The following HECW1 variants were observed in gnomAD, a reference collection of about 807,000 sequenced individuals.
HECW1 encodes the protein HECT, C2 and WW domain containing E3 ubiquitin protein ligase 1.
In HECW1, 61 loss-of-function variants were observed where a neutral mutation model predicts 182.3. That is an observed-to-expected ratio of 0.33 (90% CI 0.27 to 0.41). HECW1 has a LOEUF of 0.41. Among genes scored for constraint, HECW1 ranks in the 10% least tolerant of loss-of-function variants. The probability of loss-of-function intolerance (pLI) is 1.00; values close to 1 mark genes in which losing one functional copy is unlikely to be tolerated. For missense variants in HECW1, 1,739 were observed against 2,108.9 expected (o/e 0.82, Z 3.44); for synonymous variants, 859 against 832.6 (o/e 1.03, Z -0.55).
rs776133569 is a variant in HECW1 at position 43,438,017 on chromosome 7, G to A, written c.816G>A (p.Val272=). ...TTTCATTGCAGCAATTCAGTTTTGT[G>A]TCCTTGCCCACTGACGTGCTGGAAA... ...PIWQAEQFSF[V]SLPTDVLEIE... Residue 272 remains valine, a synonymous_variant, in exon 9 of 30, where the codon GTG becomes GTA. Transcript: ENST00000395891. 9.3e-6 allele frequency: 15 copies of A among 1,614,066 alleles called. 1 individual carries two copies. In the South Asian group the frequency reaches 1.6e-4, roughly 18 times the overall value.
intron 27 of HECW1, 40 bp from the exon 28 acceptor site, chr7:43,552,182 G>A: frequency 8.3e-7 from 1 of 1,207,350 alleles, no homozygotes; most frequent in Non-Finnish European, 1.2e-6. Context: ...GCCTTTCCAT[G>A]TGTTTGGACC....
chr7:43,446,407 G>A (rs1302095616), intron 11 of HECW1, among the ~76,000 whole-genome samples: 1 of 152,084 alleles, frequency 6.6e-6, no homozygotes, highest in Non-Finnish European at 1.5e-5. Flanking sequence ...TGGTATGACT[G>A]GGAAAAAAAA....
chr7:43,261,439 CAT>C (rs1029762647), intron 3 of HECW1, among the ~76,000 whole-genome samples: 3 of 152,152 alleles, frequency 2.0e-5, no homozygotes, highest in Admixed American at 6.6e-5. Flanking sequence ...CTCTTTCTCA[CAT>C]GTTTGCTGCC....
Position 43,177,298 on chromosome 7 carries a change from A to G in HECW1, c.-32+62907A>G, listed in dbSNP as rs920233927. 2.6e-5 allele frequency among the ~76,000 whole-genome samples: 4 copies of G among 152,222 alleles called. No homozygotes were observed. The East Asian group carries it at 7.7e-4, about 29-fold the overall frequency. On this transcript the variant is annotated intron_variant, in intron 2 of 29. Coordinates refer to ENST00000395891, the MANE Select transcript of HECW1 (RefSeq NM_015052.5). ...ACAAGTCCCAGCACTCTTCTCTCTG[A>G]TCATTGGTGGTGGGGCCTTCCACAG...
intron 26 of HECW1, among the ~76,000 whole-genome samples, chr7:43,546,802 G>A (rs1489339163): frequency 2.0e-5 from 3 of 152,036 alleles, no homozygotes. Flanking sequence ...AATGGATAAG[G>A]GCAATCCTGA....
At position 43,367,597 on chromosome 7, in the gene HECW1, T is replaced by G. The variant is rs74659318; in HGVS notation, c.555+6617T>G. Among the ~76,000 whole-genome samples the G allele has an allele frequency of 7.2e-5, 11 of 152,328 alleles. No homozygotes were observed. In the East Asian group the frequency reaches 2.1e-3, roughly 29 times the overall value. On this transcript the variant is annotated intron_variant, in intron 6 of 29. Coordinates refer to ENST00000395891, the MANE Select transcript of HECW1 (RefSeq NM_015052.5). ...AAAACACAATAAAAGTAATCTTGAG[T>G]GCTTGAGCTAGAATTACATACATGA...
chr7:43,263,751 G>C (rs1341379756), intron 3 of HECW1, among the ~76,000 whole-genome samples: 1 of 152,170 alleles, frequency 6.6e-6, no homozygotes, highest in Non-Finnish European at 1.5e-5. Context: ...ACAAAAGGAA[G>C]GGAGGGAGGG....
intron 5 of HECW1, among the ~76,000 whole-genome samples, chr7:43,333,472 A>G (rs56228630): frequency 0.027 from 4,172 of 152,298 alleles, 185 homozygotes; most frequent in African/African-American, 0.095. Context: ...TAAAAGTATT[A>G]CTTATTCCCT....
intron 7 of HECW1, among the ~76,000 whole-genome samples, chr7:43,401,829 C>T (rs992402203): frequency 2.6e-5 from 4 of 151,930 alleles, no homozygotes; most frequent in Non-Finnish European, 5.9e-5. Flanking sequence ...CCTGTTTTCG[C>T]ACCCAAATGT....
chr7:43,206,519 A>T lies in HECW1; in HGVS notation c.-31-37356A>T, dbSNP rs554983654. Among the ~76,000 whole-genome samples the T allele has an allele frequency of 2.6e-5, 4 of 152,218 alleles. No homozygotes were observed. The East Asian group carries it at 5.8e-4, about 22-fold the overall frequency. ...GCTTGGAAGTAATGTGTTCTACTTC[A>T]ATTCTTTAGTGGTTAACTTTCATTT... On this transcript the variant is annotated intron_variant, in intron 2 of 29. Coordinates refer to ENST00000395891, the MANE Select transcript of HECW1 (RefSeq NM_015052.5).
chr7:43,459,389 A>C (rs146203649), intron 13 of HECW1, among the ~76,000 whole-genome samples: 35 of 152,360 alleles, frequency 2.3e-4, no homozygotes, highest in African/African-American at 8.2e-4. Flanking sequence ...ACAAATATTT[A>C]CTGAAAAGCA....
intron 5 of HECW1, among the ~76,000 whole-genome samples, chr7:43,326,393 A>T (rs1362667641): frequency 6.6e-6 from 1 of 152,180 alleles, no homozygotes; most frequent in African/African-American, 2.4e-5. Flanking sequence ...AGGCAGCATG[A>T]TGGCCACGGT....
chr7:43,350,836 A>G (rs549567475), intron 5 of HECW1, among the ~76,000 whole-genome samples: 43 of 152,338 alleles, frequency 2.8e-4, no homozygotes, highest in South Asian at 2.5e-3. Context: ...TGATTAGCAT[A>G]ATAACTAACC....
rs544737278 is a variant in HECW1 at position 43,286,382 on chromosome 7, G to A, written c.28-25381G>A. The stretch of plus-strand genomic sequence containing the variant: ...CCTTCCTTGATTTTGAGGCTAGCTT[G>A]GGTCCTCAAACCTTCAGAGATGTAG... On this transcript the variant is annotated intron_variant, in intron 3 of 29. Coordinates refer to ENST00000395891, the MANE Select transcript of HECW1 (RefSeq NM_015052.5). 2.7e-3 allele frequency among the ~76,000 whole-genome samples: 407 copies of A among 152,230 alleles called. 4 individuals are homozygous for A. Among genetic ancestry groups the A allele is most frequent in the African/African-American group, 9.3e-3 (385 of 41,540 alleles).
chr7:43,112,695 A>C lies in HECW1; in HGVS notation c.-509A>C, dbSNP rs1784713018. On this transcript the variant is annotated 5_prime_UTR_variant, in exon 1 of 30. Transcript: ENST00000395891. ...CGGAACACCGTGCGACTCTGACCGA[A>C]CCGGCCCCCTCCTCGCGCACACACT... is the stretch of plus-strand genomic sequence containing the variant. The C allele has an allele frequency of 4.3e-6, 1 of 230,148 alleles. No homozygotes were observed. The highest frequency in any genetic ancestry group is 8.6e-6 in the Non-Finnish European group (1 of 116,028). 14.3% of individuals were successfully genotyped at this position (230,148 alleles called of 1,614,324 possible).
intron 2 of HECW1, among the ~76,000 whole-genome samples, chr7:43,222,293 C>T (rs541402480): frequency 1.3e-5 from 2 of 152,320 alleles, no homozygotes; most frequent in East Asian, 3.9e-4. Flanking sequence ...GCCGAATACT[C>T]ATGAACCAAG....
intron 24 of HECW1, among the ~76,000 whole-genome samples, chr7:43,516,931 G>C (rs747543233): frequency 6.6e-6 from 1 of 152,128 alleles, no homozygotes; most frequent in Non-Finnish European, 1.5e-5. Flanking sequence ...CATAGAAAAA[G>C]TACAGTAAAA....
intron 26 of HECW1, among the ~76,000 whole-genome samples, chr7:43,549,292 T>C (rs1645249644): frequency 6.6e-6 from 1 of 152,210 alleles, no homozygotes; most frequent in Non-Finnish European, 1.5e-5. Context: ...AACAAGTATT[T>C]TATCATTAGC....
chr7:43,222,710 A>G (rs1479712535), intron 2 of HECW1, among the ~76,000 whole-genome samples: 2 of 152,200 alleles, frequency 1.3e-5, no homozygotes. Flanking sequence ...GATTTGTAGC[A>G]TTCAGTCTAT....
Sources: gnomAD v4.1 joint callset for allele counts (sites outside exome capture counted in the v4.1 genomes callset) on GRCh38, gnomAD v4.1.1 for gene constraint, MANE v1.5 for transcripts, NCBI Gene and HGNC (gene_info 2026-07-23, HGNC 2026-07-21) for gene names.